Variants in CPEB4 observed in about 807,000 individuals in gnomAD.
CPEB4 encodes the protein cytoplasmic polyadenylation element-binding protein 4.
CPEB4 carries 12 observed loss-of-function variants against 72.5 expected under a neutral mutation model. That is an observed-to-expected ratio of 0.17 (90% CI 0.11 to 0.27). CPEB4 has a LOEUF of 0.27. CPEB4 is among the 10% of genes least tolerant of loss of function. CPEB4 has a pLI of 1.00. For synonymous variants in CPEB4, 302 were observed against 326.3 expected (o/e 0.93, Z 0.80); for missense variants, 614 against 908.5 (o/e 0.68, Z 4.17).
intron 1 of CPEB4, among the ~76,000 whole-genome samples, chr5:173,905,058 G>C (rs1292171736): frequency 6.6e-6 from 1 of 150,700 alleles, no homozygotes; most frequent in Non-Finnish European, 1.5e-5. Context: ...AATTAAGACA[G>C]TGTTTATCAA....
intron 6 of CPEB4, among the ~76,000 whole-genome samples, 181 bp downstream of exon 6, chr5:173,949,778 A>G (rs548322510): frequency 3.5e-4 from 53 of 152,376 alleles, no homozygotes; most frequent in South Asian, 8.3e-4. Flanking sequence ...ACTCTAAAAG[A>G]TGCTTCAAGA....
At chr5:173,917,926 C>G (rs903316799) in intron 2 of CPEB4, among the ~76,000 whole-genome samples, 1 of 152,178 alleles carries the variant, frequency 6.6e-6, no homozygotes, top group Non-Finnish European at 1.5e-5. Context: ...CTGAAGCCTT[C>G]CTGAACTAGG....
rs921927280 is a variant in CPEB4 at position 173,890,522 on chromosome 5, T to C, written c.789T>C (p.His263=). The change falls in exon 1 of 10, where the codon CAT becomes CAC. Residue 263 remains histidine (H), a synonymous_variant. Transcript: ENST00000265085. ...PASPHPPPFT[H]RNAAFNQLPH... is the part of the protein sequence containing the mutation. ...GTCCCCATCCCCCACCCTTCACACATAGAAATGCTGCTTTTAACCAGCTGC... is the reference window on the plus strand; with the variant it reads ...GTCCCCATCCCCCACCCTTCACACACAGAAATGCTGCTTTTAACCAGCTGC... 1.1e-5 allele frequency: 17 copies of C among 1,613,796 alleles called. No homozygotes were observed. Among genetic ancestry groups the C allele is most frequent in the East Asian group, 2.2e-5 (1 of 44,876 alleles).
chr5:173,943,332 C>A (rs1418058126), intron 4 of CPEB4, among the ~76,000 whole-genome samples: 1 of 151,844 alleles, frequency 6.6e-6, no homozygotes, highest in African/African-American at 2.4e-5. Flanking sequence ...GCTTTTTTTC[C>A]TTTCTGAAAG....
chr5:173,912,871 G>A (rs993151347), intron 2 of CPEB4, among the ~76,000 whole-genome samples: 5 of 148,890 alleles, frequency 3.4e-5, no homozygotes, highest in Admixed American at 2.7e-4. Context: ...GGGCCCAGAA[G>A]GTTGAGGCTG....
intron 2 of CPEB4, among the ~76,000 whole-genome samples, chr5:173,911,977 T>C (rs1324825166): frequency 6.6e-6 from 1 of 152,160 alleles, no homozygotes; most frequent in Non-Finnish European, 1.5e-5. Flanking sequence ...ATAGTGATAA[T>C]ATTGTTTTAA....
rs1257590261 is a variant in CPEB4, at chr5:173,959,891, G to T, written c.*3754G>T. 1 of 152,228 alleles carries T rather than the reference G, an allele frequency of 6.6e-6. No individual in the cohort carries two copies. Among genetic ancestry groups the T allele is most frequent in the Non-Finnish European group, 1.5e-5 (1 of 67,882 alleles). The allele number at this position is 152,228 out of a possible 1,614,324, so 9.4% of individuals were successfully genotyped here. ...CATCAGATTTTTGTTATATTTTTTG[G>T]AAGTGAAACTTTTAGCAAGTGGGTG... is the stretch of plus-strand genomic sequence containing the variant. On this transcript the variant is annotated 3_prime_UTR_variant, in exon 10 of 10. Coordinates refer to ENST00000265085, the MANE Select transcript of CPEB4 (RefSeq NM_030627.4).
At chr5:173,897,770 A>T (rs1018743948) in intron 1 of CPEB4, among the ~76,000 whole-genome samples, 1 of 152,200 alleles carries the variant, frequency 6.6e-6, no homozygotes, top group African/African-American at 2.4e-5. Context: ...TATATTTGGA[A>T]ATTTTAAATT....
Position 173,904,954 on chromosome 5 carries a change from G to A in CPEB4, c.1126-5569G>A, listed in dbSNP as rs527893710. Among the ~76,000 whole-genome samples the A allele has an allele frequency of 4.1e-5, 6 of 147,468 alleles. No homozygotes were observed. The East Asian group carries it at 5.9e-4, about 15-fold the overall frequency. On this transcript the variant is annotated intron_variant, in intron 1 of 9. Coordinates refer to ENST00000265085, the MANE Select transcript of CPEB4 (RefSeq NM_030627.4). ...CCACTGCACTCCAACTTGGGCAACAGAGTGAGACCCTGTCTCAGATAATAA... is the reference window on the plus strand; with the variant it reads ...CCACTGCACTCCAACTTGGGCAACAAAGTGAGACCCTGTCTCAGATAATAA...
chr5:173,927,817 T>G (rs139873721), intron 2 of CPEB4, among the ~76,000 whole-genome samples: 17 of 152,174 alleles, frequency 1.1e-4, no homozygotes, highest in Middle Eastern at 3.4e-3. Context: ...TTGAGAAAAC[T>G]TATGCCTACG....
rs539805311 is a variant in CPEB4 at position 173,950,734 on chromosome 5, C to T, written c.1665+656C>T. ...AAATACTATGTGTACGTCTTTCTAG[C>T]GTTTTCCTCACTTTAATGAAGATTT... On this transcript the variant is annotated intron_variant, in intron 7 of 9. Transcript: ENST00000265085. This position sits in a 1 kb window ranked among gnomAD's most constrained non-coding sequence, Gnocchi z 5.0. Among the ~76,000 whole-genome samples the T allele has an allele frequency of 1.3e-4, 20 of 152,264 alleles. No homozygotes were observed. The highest frequency in any genetic ancestry group is 3.4e-4 in the African/African-American group (14 of 41,566).
In CPEB4 at chr5:173,910,163, TG is replaced by T. The variant is rs1581122749; in HGVS notation, c.1126-358del. Among the ~76,000 whole-genome samples the T allele has an allele frequency of 2.0e-5, 3 of 152,180 alleles. No homozygotes were observed. The East Asian group carries it at 5.8e-4, about 29-fold the overall frequency. On this transcript the variant is annotated intron_variant, in intron 1 of 9. Coordinates refer to ENST00000265085, the MANE Select transcript of CPEB4 (RefSeq NM_030627.4). ...TAGCAGATAACTAGTGGGACAAGTT[TG>T]GAAAGCTTTGCCACGTTTTTGCAAT...
At chr5:173,951,132 C>T (rs955394231) in intron 7 of CPEB4, among the ~76,000 whole-genome samples, 4 of 152,074 alleles carry the variant, frequency 2.6e-5, no homozygotes, top group South Asian at 2.1e-4. Flanking sequence ...AATCCCCATC[C>T]GTATTTGAAT....
intron 2 of CPEB4, 70 bp from the exon 3 acceptor site, chr5:173,932,380 T>C: frequency 8.5e-7 from 1 of 1,181,688 alleles, no homozygotes; most frequent in Non-Finnish European, 1.2e-6. Flanking sequence ...TCAATTCAGC[T>C]CTGTTATTGA....
chr5:173,930,517 GA>G (rs1307840024), intron 2 of CPEB4, among the ~76,000 whole-genome samples: 1 of 152,200 alleles, frequency 6.6e-6, no homozygotes, highest in African/African-American at 2.4e-5. Context: ...ATGTACATTA[GA>G]AGTAAAGAAT....
rs769775781 is a variant in CPEB4 at position 173,890,665 on chromosome 5, G to T, written c.932G>T (p.Gly311Val). Residue 311 changes from glycine to valine, a missense_variant, in exon 1 of 10, where the codon GGT becomes GTT. Around this residue, in one of 5 missense-constraint regions of CPEB4, gnomAD observed 458 missense variants for 548.6 expected, o/e 0.83. Coordinates refer to ENST00000265085, the MANE Select transcript of CPEB4 (RefSeq NM_030627.4). ...GGTGGTGGATATGGTGGCTGGGGAGGTTCCCAAGGCCGAGATCACCGCAGA... is the reference window on the plus strand; with the variant it reads ...GGTGGTGGATATGGTGGCTGGGGAGTTTCCCAAGGCCGAGATCACCGCAGA... ...PGGGGYGGWG[G>V]SQGRDHRRGL... 1 of 1,614,112 alleles carries T rather than the reference G, an allele frequency of 6.2e-7. No individual in the cohort carries two copies. Among genetic ancestry groups the T allele is most frequent in the Non-Finnish European group, 8.5e-7 (1 of 1,180,016 alleles).
rs1411419995 is a variant in CPEB4, at chr5:173,900,160, C to T, written c.1125+9302C>T. ...GTGGCTCACGCCTGTAATCCCAGCACTGCGAGAGGCTGAGGTGGGCGGATC... is the reference window on the plus strand; with the variant it reads ...GTGGCTCACGCCTGTAATCCCAGCATTGCGAGAGGCTGAGGTGGGCGGATC... On this transcript the variant is annotated intron_variant, in intron 1 of 9. Coordinates refer to ENST00000265085, the MANE Select transcript of CPEB4 (RefSeq NM_030627.4). The surrounding 1 kb of genome is among the most constrained non-coding windows in gnomAD (Gnocchi z 4.4). Among the ~76,000 whole-genome samples, 2 of 152,068 alleles carry T rather than the reference C, an allele frequency of 1.3e-5. No individual in the cohort carries two copies. The highest frequency in any genetic ancestry group is 4.8e-5 in the African/African-American group (2 of 41,390).
At chr5:173,914,101 G>A (rs1202069552) in intron 2 of CPEB4, among the ~76,000 whole-genome samples, 1 of 152,196 alleles carries the variant, frequency 6.6e-6, no homozygotes, top group African/African-American at 2.4e-5. Context: ...ACAGATGAGT[G>A]CATGGATCTA....
rs766277374 is a variant in CPEB4 at position 173,890,180 on chromosome 5, T to G, written c.447T>G (p.Thr149=). The G allele has an allele frequency of 6.2e-7, 1 of 1,614,170 alleles. No homozygotes were observed. Among genetic ancestry groups the G allele is most frequent in the South Asian group, 1.1e-5 (1 of 91,086 alleles). The change falls in exon 1 of 10, where the codon ACT becomes ACG. Residue 149 remains threonine, a synonymous_variant. Coordinates refer to ENST00000265085, the MANE Select transcript of CPEB4 (RefSeq NM_030627.4). Reference sequence around the variant, plus strand: ...CAGGGTTTGATTATCAAGAAGCCACTGGGCTAGGTACTTCAACCCAACCCT... The same window carrying G: ...CAGGGTTTGATTATCAAGAAGCCACGGGGCTAGGTACTTCAACCCAACCCT... ...VLTGFDYQEA[T]GLGTSTQPLT...
Sources: gnomAD v4.1 joint callset for allele counts (sites outside exome capture counted in the v4.1 genomes callset) on GRCh38, gnomAD v4.1.1 for gene constraint, gnomAD v4.1.1 regional missense constraint, Gnocchi (gnomAD v3.1) non-coding constraint, MANE v1.5 for transcripts, NCBI Gene and HGNC (gene_info 2026-07-23, HGNC 2026-07-21) for gene names.